The following MED28 variants were observed in gnomAD, a reference collection of about 807,000 sequenced individuals.
MED28 encodes mediator of RNA polymerase II transcription subunit 28.
In MED28, 26 loss-of-function variants were observed where a neutral mutation model predicts 21.3. The observed-to-expected ratio is 1.22, with a 90% CI of 0.89 to 1.69. MED28 has a LOEUF of 1.69. Ranked by LOEUF, MED28 falls within the 40% of genes most tolerant of loss-of-function variation. The probability of loss-of-function intolerance (pLI) is 0.00; values close to 1 mark genes in which losing one functional copy is unlikely to be tolerated. For synonymous variants in MED28, 110 were observed against 87.6 expected (o/e 1.26, Z -1.43); for missense variants, 257 against 215.4 (o/e 1.19, Z -1.21).
At chr4:17,615,579 A>G (rs1412921819) in intron 1 of MED28, among the ~76,000 whole-genome samples, 1 of 152,194 alleles carries the variant, frequency 6.6e-6, no homozygotes, top group Admixed American at 6.5e-5. Context: ...TGGGAGGCCG[A>G]GGCTGGCGGA....
chr4:17,618,937 T>G (rs923492871), intron 1 of MED28, among the ~76,000 whole-genome samples: 1 of 152,222 alleles, frequency 6.6e-6, no homozygotes, highest in African/African-American at 2.4e-5. Flanking sequence ...CAGGCAGAAT[T>G]TTTGCTCGTT....
chr4:17,632,805 C>T lies in MED28; in HGVS notation c.*9007C>T. ...AAAGGATGGGGCTGGGGAGGGAGTA[C>T]CTAATCCTCATTTGGAAAACAGAAG... On this transcript the variant is annotated 3_prime_UTR_variant, in exon 4 of 4. Coordinates refer to ENST00000237380, the MANE Select transcript of MED28 (RefSeq NM_025205.5). 1 of 518,672 alleles carries T rather than the reference C, an allele frequency of 1.9e-6. No homozygotes were observed. Among genetic ancestry groups the T allele is most frequent in the Non-Finnish European group, 3.5e-6 (1 of 287,204 alleles). 32.1% of individuals were successfully genotyped at this position (518,672 alleles called of 1,614,324 possible).
At position 17,627,124 on chromosome 4, in the gene MED28, A is replaced by T. The variant is rs1436999243; in HGVS notation, c.*3326A>T. The T allele has an allele frequency of 6.6e-6, 1 of 151,848 alleles. No individual in the cohort carries two copies. The highest frequency in any genetic ancestry group is 1.5e-5 in the Non-Finnish European group (1 of 68,004). 9.4% of individuals were successfully genotyped at this position (151,848 alleles called of 1,614,324 possible). ...CAGGTGCACACCACTACACCCAGAT[A>T]ATTTTGTATTTTTAGTAGAGATGGG... On this transcript the variant is annotated 3_prime_UTR_variant, in exon 4 of 4. Coordinates refer to ENST00000237380, the MANE Select transcript of MED28 (RefSeq NM_025205.5).
At chr4:17,623,394 G>C (rs1714688496) in intron 3 of MED28, among the ~76,000 whole-genome samples, 1 of 83,580 alleles carries the variant, frequency 1.2e-5, no homozygotes, top group African/African-American at 5.3e-5. Context: ...GCAAGACTTC[G>C]TCTCAAAAAA....
rs925804048 is a variant in MED28, at chr4:17,625,609, G to C, written c.*1811G>C. On this transcript the variant is annotated 3_prime_UTR_variant, in exon 4 of 4. Coordinates refer to ENST00000237380, the MANE Select transcript of MED28 (RefSeq NM_025205.5). ...TGTTGCCATTTCTTTATTAAATTCAGAAGTTTTTTTGCCAAATAACAATTT... is the reference window on the plus strand; with the variant it reads ...TGTTGCCATTTCTTTATTAAATTCACAAGTTTTTTTGCCAAATAACAATTT... 8 of 438,922 alleles carry C rather than the reference G, an allele frequency of 1.8e-5. 1 individual carries two copies. The highest frequency in any genetic ancestry group is 1.1e-4 in the South Asian group (7 of 61,604). 27.2% of individuals were successfully genotyped at this position (438,922 alleles called of 1,614,324 possible). A position where few individuals can be genotyped will look rare whatever the true frequency, so the allele number is the denominator to read the frequency against.
At chr4:17,615,235 C>T (rs1203941800) in intron 1 of MED28, among the ~76,000 whole-genome samples, 1 of 152,100 alleles carries the variant, frequency 6.6e-6, no homozygotes, top group African/African-American at 2.4e-5. Flanking sequence ...CTCTTAAGAG[C>T]GGAAATTGAC....
Position 17,625,703 on chromosome 4 carries a change from C to T in MED28, c.*1905C>T, listed in dbSNP as rs1168438174. The T allele has an allele frequency of 2.2e-6, 1 of 445,382 alleles. No individual in the cohort carries two copies. Among genetic ancestry groups the T allele is most frequent in the Non-Finnish European group, 4.5e-6 (1 of 224,046 alleles). 27.6% of individuals were successfully genotyped at this position (445,382 alleles called of 1,614,324 possible). On this transcript the variant is annotated 3_prime_UTR_variant, in exon 4 of 4. Coordinates refer to ENST00000237380, the MANE Select transcript of MED28 (RefSeq NM_025205.5). ...ATCCTCTAAGAAACCCTCTGAGCTG[C>T]TAACTTTTTCAGGGAGAAAATCACA...
intron 1 of MED28, among the ~76,000 whole-genome samples, chr4:17,618,231 A>G (rs187356249): frequency 6.6e-6 from 1 of 150,496 alleles, no homozygotes; most frequent in East Asian, 2.0e-4. Flanking sequence ...CTGGTCTTGA[A>G]CTCCTGGACT....
chr4:17,618,829 C>T (rs933098732), intron 1 of MED28, among the ~76,000 whole-genome samples: 9 of 152,166 alleles, frequency 5.9e-5, no homozygotes, highest in Admixed American at 1.3e-4. Flanking sequence ...CGTGAGCCAC[C>T]GTGCCCAGCC....
At chr4:17,618,619 C>T (rs146463446) in intron 1 of MED28, among the ~76,000 whole-genome samples, 4,934 of 152,198 alleles carry the variant, frequency 0.032, 249 homozygotes, top group African/African-American at 0.11. Flanking sequence ...CAGGTTCAAG[C>T]AATTCTCCTG....
At chr4:17,615,565 A>G (rs183209997) in intron 1 of MED28, among the ~76,000 whole-genome samples, 125 of 152,242 alleles carry the variant, frequency 8.2e-4, no homozygotes, top group African/African-American at 2.9e-3. Flanking sequence ...TAATCCCAGC[A>G]CTTTGGGAGG....
chr4:17,633,566 T>TA lies in MED28; in HGVS notation c.*9768_*9769insA. Reference sequence around the variant, plus strand: ...TTCAGGTAAGTGATTCAGTGTCCCTTGTCTAATCATCCATGAAAAAAGGCC... The same window carrying TA: ...TTCAGGTAAGTGATTCAGTGTCCCTTAGTCTAATCATCCATGAAAAAAGGCC... On this transcript the variant is annotated 3_prime_UTR_variant, in exon 4 of 4. Transcript: ENST00000237380. 1.1e-6 allele frequency: 1 copy of TA among 880,706 alleles called. No individual in the cohort carries two copies. Among genetic ancestry groups the TA allele is most frequent in the Non-Finnish European group, 1.7e-6 (1 of 605,304 alleles). The allele number at this position is 880,706 out of a possible 1,614,324, so 54.6% of individuals were successfully genotyped here.
At chr4:17,617,613 T>C (rs1243688360) in intron 1 of MED28, among the ~76,000 whole-genome samples, 5 of 152,302 alleles carry the variant, frequency 3.3e-5, no homozygotes, top group African/African-American at 1.2e-4. Context: ...TTTAAAAAGC[T>C]GTTCTCTTTC....
At chr4:17,616,390 C>T (rs1443658906) in intron 1 of MED28, among the ~76,000 whole-genome samples, 1 of 152,198 alleles carries the variant, frequency 6.6e-6, no homozygotes, top group Non-Finnish European at 1.5e-5. Context: ...GGAGCTGGCT[C>T]TCAGTCATGG....
rs771310133 is a variant in MED28, at chr4:17,631,576, C to T, written c.*7778C>T. ...TAACTGGGCTAGGATTGGTTATTTA[C>T]AGAAAAACCTTGTGGTACTTAATTC... On this transcript the variant is annotated 3_prime_UTR_variant, in exon 4 of 4. Transcript: ENST00000237380. 2 of 152,146 alleles carry T rather than the reference C, an allele frequency of 1.3e-5. No homozygotes were observed. Among genetic ancestry groups the T allele is most frequent in the Non-Finnish European group, 2.9e-5 (2 of 68,036 alleles). The allele number at this position is 152,146 out of a possible 1,614,324, so 9.4% of individuals were successfully genotyped here.
Position 17,624,500 on chromosome 4 carries a change from T to TA in MED28, c.*703dup, listed in dbSNP as rs1034938052. On this transcript the variant is annotated 3_prime_UTR_variant, in exon 4 of 4. Transcript: ENST00000237380. Reference sequence around the variant, plus strand: ...TAGAAGGATATAGTGGGAGCAGTGATACGCTAACATTCATTACATTCTGCA... The same window carrying TA: ...TAGAAGGATATAGTGGGAGCAGTGATAACGCTAACATTCATTACATTCTGCA... 6.6e-6 allele frequency: 1 copy of TA among 152,208 alleles called. No individual in the cohort carries two copies. The highest frequency in any genetic ancestry group is 1.9e-4 in the East Asian group (1 of 5,194). 9.4% of individuals were successfully genotyped at this position (152,208 alleles called of 1,614,324 possible).
At chr4:17,619,491 G>A (rs1363050635) in intron 1 of MED28, among the ~76,000 whole-genome samples, 1 of 152,180 alleles carries the variant, frequency 6.6e-6, no homozygotes, top group African/African-American at 2.4e-5. Context: ...TGAGCAGGAG[G>A]GGCACAGTTT....
chr4:17,632,641 G>A lies in MED28; in HGVS notation c.*8843G>A. ...ATCTGGGGTCCTAAAAGCAAAAAAA[G>A]GTTTTTTTATATGGTTTTGAAAACT... On this transcript the variant is annotated 3_prime_UTR_variant, in exon 4 of 4. Transcript: ENST00000237380. 2 of 1,012,380 alleles carry A rather than the reference G, an allele frequency of 2.0e-6. No individual in the cohort carries two copies. The highest frequency in any genetic ancestry group is 2.6e-5 in the Admixed American group (1 of 39,132). 62.7% of individuals were successfully genotyped at this position (1,012,380 alleles called of 1,614,324 possible).
intron 1 of MED28, among the ~76,000 whole-genome samples, chr4:17,616,081 C>T (rs1345821885): frequency 6.6e-6 from 1 of 152,064 alleles, no homozygotes; most frequent in Non-Finnish European, 1.5e-5. Flanking sequence ...CTGCCTCAGC[C>T]TCCCGAGTTG....
Sources: allele counts gnomAD v4.1 joint callset (sites outside exome capture counted in the v4.1 genomes callset), GRCh38; gene constraint gnomAD v4.1.1; transcripts MANE v1.5; gene names NCBI Gene and HGNC (gene_info 2026-07-23, HGNC 2026-07-21).